The following CELF2 variants were observed in gnomAD, a reference collection of about 807,000 sequenced individuals.
CELF2 encodes the protein CUGBP Elav-like family member 2.
CELF2 carries 8 observed loss-of-function variants against 62.6 expected under a neutral mutation model. That is an observed-to-expected ratio of 0.13 (90% CI 0.07 to 0.23). CELF2 has a LOEUF of 0.23. Among genes scored for constraint, CELF2 ranks in the 10% least tolerant of loss-of-function variants. The pLI is 1.00. For missense variants in CELF2, 333 were observed against 671.0 expected (o/e 0.50, Z 5.56); for synonymous variants, 258 against 250.0 (o/e 1.03, Z -0.30).
chr10:11,092,615 G>A (rs1264785264), intron 1 of CELF2, among the ~76,000 whole-genome samples: 1 of 152,216 alleles, frequency 6.6e-6, no homozygotes. Context: ...TTTGAACTAA[G>A]GAGACTTAAC....
chr10:10,500,898 T>A, the CELF2 span, among the ~76,000 whole-genome samples: 1 of 152,374 alleles, frequency 6.6e-6, no homozygotes, highest in East Asian at 1.9e-4. Context: ...ACATGATGTG[T>A]AACCTTTCAA....
intron 1 of CELF2, among the ~76,000 whole-genome samples, chr10:11,158,070 T>C (rs762241318): frequency 6.6e-6 from 1 of 152,226 alleles, no homozygotes; most frequent in African/African-American, 2.4e-5. Flanking sequence ...TTTCCCCCTA[T>C]ATTTGTCTTC....
intron 3 of CELF2, among the ~76,000 whole-genome samples, chr10:11,240,246 G>A (rs1441880017): frequency 6.6e-6 from 1 of 152,184 alleles, no homozygotes; most frequent in Non-Finnish European, 1.5e-5. Context: ...GCATAATCCA[G>A]GCAGTTAACA....
rs2132442484 is a variant in CELF2 at position 11,145,742 on chromosome 10, T to C, written c.75-19744T>C. ...CCAGGCCTCTGTGGTAGATAAGAAG[T>C]TGCTTCATTTATTTTTCTTTTTTTA... On this transcript the variant is annotated intron_variant, in intron 1 of 12. Coordinates refer to ENST00000633077, the MANE Select transcript of CELF2 (RefSeq NM_001326342.2). This position sits in a 1 kb window ranked among gnomAD's most constrained non-coding sequence, Gnocchi z 4.3. Among the ~76,000 whole-genome samples the C allele has an allele frequency of 6.6e-6, 1 of 152,276 alleles. No individual in the cohort carries two copies. The highest frequency in any genetic ancestry group is 2.4e-5 in the African/African-American group (1 of 41,546).
At chr10:11,235,184 A>G (rs1482976864) in intron 3 of CELF2, among the ~76,000 whole-genome samples, 2 of 152,214 alleles carry the variant, frequency 1.3e-5, no homozygotes, top group South Asian at 2.1e-4. Context: ...AGCAAACATA[A>G]AGAGGCAAGC....
intron 2 of CELF2, among the ~76,000 whole-genome samples, chr10:10,923,499 T>C (rs2065118172): frequency 6.6e-6 from 1 of 152,312 alleles, no homozygotes; most frequent in South Asian, 2.1e-4. Context: ...GGATTGCGTC[T>C]GGGTAGTTAA....
At chr10:11,289,183 T>A (rs1360095125) in intron 9 of CELF2, among the ~76,000 whole-genome samples, 2 of 152,032 alleles carry the variant, frequency 1.3e-5, no homozygotes, top group Non-Finnish European at 2.9e-5. Context: ...TTTGTTTTGT[T>A]TTTTTTTAAT....
chr10:11,209,461 T>C (rs564951695), intron 2 of CELF2, among the ~76,000 whole-genome samples: 1 of 152,148 alleles, frequency 6.6e-6, no homozygotes, highest in South Asian at 2.1e-4. Flanking sequence ...TCTCATATCA[T>C]GTCCTGAGGC....
At chr10:10,828,140 A>G (rs2057557741) in intron 1 of CELF2, among the ~76,000 whole-genome samples, 1 of 152,176 alleles carries the variant, frequency 6.6e-6, no homozygotes, top group African/African-American at 2.4e-5. Context: ...CAGGTGATCC[A>G]GCAATTCTAC....
At chr10:10,476,714 TAA>T in the CELF2 span, among the ~76,000 whole-genome samples, 1 of 152,172 alleles carries the variant, frequency 6.6e-6, no homozygotes, top group African/African-American at 2.4e-5. Context: ...TTTCTGAATA[TAA>T]GATATTTTAA....
At chr10:10,989,434 T>G (rs1203259769) in intron 2 of CELF2, among the ~76,000 whole-genome samples, 1 of 152,058 alleles carries the variant, frequency 6.6e-6, no homozygotes, top group Non-Finnish European at 1.5e-5. Flanking sequence ...CATACACATC[T>G]TACCCCAAAA....
At chr10:10,702,224 A>T in the CELF2 span, among the ~76,000 whole-genome samples, 1 of 152,206 alleles carries the variant, frequency 6.6e-6, no homozygotes, top group South Asian at 2.1e-4. Context: ...ACCACTAAAA[A>T]TGGGGAGAAG....
At chr10:10,781,670 A>G in the CELF2 span, among the ~76,000 whole-genome samples, 1 of 152,190 alleles carries the variant, frequency 6.6e-6, no homozygotes, top group Non-Finnish European at 1.5e-5. Flanking sequence ...TCAAGATGAG[A>G]TTTGGGTGGG....
intron 4 of CELF2, among the ~76,000 whole-genome samples, chr10:11,251,859 G>A (rs369947531): frequency 1.3e-4 from 20 of 152,172 alleles, no homozygotes; most frequent in Non-Finnish European, 1.9e-4. Flanking sequence ...TCCACTCACC[G>A]AGGCAGCCTT....
rs1267603904 is a variant in CELF2, at chr10:11,318,848, G to C, written c.1097-2341G>C. The C allele has an allele frequency of 6.4e-6, 3 of 471,150 alleles. No homozygotes were observed. Among genetic ancestry groups the C allele is most frequent in the African/African-American group, 6.0e-5 (3 of 50,084 alleles). The allele number at this position is 471,150 out of a possible 1,614,324, so 29.2% of individuals were successfully genotyped here. A position where few individuals can be genotyped will look rare whatever the true frequency, so the allele number is the denominator to read the frequency against. ...GTGTATCTGGCACTCTGGAGAAGCC[G>C]AGTCGTGGAGGCTGCACATCGCAGG... is the stretch of plus-strand genomic sequence containing the variant. On this transcript the variant is annotated intron_variant, in intron 10 of 12. Coordinates refer to ENST00000633077, the MANE Select transcript of CELF2 (RefSeq NM_001326342.2). This position sits in a 1 kb window ranked among gnomAD's most constrained non-coding sequence, Gnocchi z 5.4.
chr10:10,741,509 A>G, the CELF2 span, among the ~76,000 whole-genome samples: 1 of 151,544 alleles, frequency 6.6e-6, no homozygotes, highest in Non-Finnish European at 1.5e-5. Flanking sequence ...AAAAAAAAAA[A>G]AAAAAAAAGA....
chr10:10,676,068 G>A, the CELF2 span, among the ~76,000 whole-genome samples: 2 of 152,144 alleles, frequency 1.3e-5, no homozygotes, highest in Non-Finnish European at 2.9e-5. Context: ...CTGGTGGTAG[G>A]CTTTAATAAT....
chr10:11,161,880 G>T (rs150955783), intron 1 of CELF2, among the ~76,000 whole-genome samples: 2,881 of 152,254 alleles, frequency 0.019, 49 homozygotes, highest in Non-Finnish European at 0.029. Context: ...TTTCTAGCAG[G>T]TACCTCCAAA....
At chr10:10,714,222 A>G in the CELF2 span, among the ~76,000 whole-genome samples, 2 of 152,168 alleles carry the variant, frequency 1.3e-5, no homozygotes, top group African/African-American at 4.8e-5. Flanking sequence ...AATTTTGGCA[A>G]CTTTCTGAAG....
Sources: allele counts gnomAD v4.1 joint callset (sites outside exome capture counted in the v4.1 genomes callset), GRCh38; gene constraint gnomAD v4.1.1; non-coding constraint Gnocchi (gnomAD v3.1); transcripts MANE v1.5; gene names NCBI Gene and HGNC (gene_info 2026-07-23, HGNC 2026-07-21).